MFHAS1: variants seen among roughly 807,000 people sequenced by gnomAD.
The protein encoded by MFHAS1 is malignant fibrous histiocytoma-amplified sequence 1.
MFHAS1 carries 50 observed loss-of-function variants against 70.4 expected under a neutral mutation model. That is an observed-to-expected ratio of 0.71 (90% CI 0.57 to 0.90). The LOEUF (loss-of-function observed/expected upper bound fraction) is 0.90, where lower values mean the gene tolerates loss of function less well. MFHAS1 is among the 40% of genes least tolerant of loss of function. The pLI is 0.00. For missense variants in MFHAS1, 1,795 were observed against 1,347.6 expected (o/e 1.33, Z -5.20); for synonymous variants, 952 against 620.0 (o/e 1.54, Z -7.96).
intron 1 of MFHAS1, among the ~76,000 whole-genome samples, chr8:8,855,855 C>G (rs1409017494): frequency 6.6e-6 from 1 of 151,524 alleles, no homozygotes. Flanking sequence ...GACGCCGTCT[C>G]AAAAAAGAAA....
At chr8:8,829,479 A>C (rs764935668) in intron 1 of MFHAS1, among the ~76,000 whole-genome samples, 6 of 152,188 alleles carry the variant, frequency 3.9e-5, no homozygotes, top group Non-Finnish European at 8.8e-5. Flanking sequence ...TCAGGAGTTC[A>C]AGACCAGCCT....
intron 1 of MFHAS1, among the ~76,000 whole-genome samples, chr8:8,855,897 T>G (rs1280741195): frequency 1.3e-5 from 2 of 152,182 alleles, no homozygotes; most frequent in African/African-American, 4.8e-5. Context: ...TGCCGTTATT[T>G]TCATCTGAAG....
Position 8,891,839 on chromosome 8 carries a change from T to C in MFHAS1, c.1220A>G (p.Gln407Arg). ...KELAHSQPAV[Q>R]PRLKLLLMGH... ...CATCAGGAGCAGCTTGAGCCGGGGC[T>C]GCACCGCCGGCTGGGAATGAGCCAG... Residue 407 changes from glutamine (Q) to arginine (R), a missense_variant, in exon 1 of 3, where the codon CAG becomes CGG. Transcript: ENST00000276282. This position sits in a 1 kb window ranked among gnomAD's most constrained non-coding sequence, Gnocchi z 5.4. The C allele has an allele frequency of 6.2e-7, 1 of 1,612,936 alleles. No individual in the cohort carries two copies. The highest frequency in any genetic ancestry group is 8.5e-7 in the Non-Finnish European group (1 of 1,179,836).
intron 1 of MFHAS1, among the ~76,000 whole-genome samples, chr8:8,812,912 G>A (rs370893022): frequency 7.9e-5 from 12 of 152,190 alleles, no homozygotes; most frequent in South Asian, 4.2e-4. Flanking sequence ...GGTTACAGGC[G>A]TGCACCACCA....
intron 1 of MFHAS1, among the ~76,000 whole-genome samples, chr8:8,876,837 G>A (rs901731289): frequency 2.0e-5 from 3 of 151,996 alleles, no homozygotes; most frequent in Non-Finnish European, 2.9e-5. Flanking sequence ...GGGAGGCTAA[G>A]GTAAGAGAAT....
chr8:8,797,290 G>C (rs1237491565), intron 2 of MFHAS1, 75 bp downstream of exon 2: 2 of 1,555,784 alleles, frequency 1.3e-6, no homozygotes, highest in African/African-American at 2.7e-5. Flanking sequence ...AGTTTAACCT[G>C]GATTTTTGTG....
Position 8,876,515 on chromosome 8 carries a change from G to A in MFHAS1, c.2998+13546C>T, listed in dbSNP as rs1217253554. Among the ~76,000 whole-genome samples the A allele has an allele frequency of 3.9e-5, 6 of 151,988 alleles. No individual in the cohort carries two copies. In the East Asian group the frequency reaches 1.2e-3, roughly 30 times the overall value. On this transcript the variant is annotated intron_variant, in intron 1 of 2. Transcript: ENST00000276282. The stretch of plus-strand genomic sequence containing the variant: ...TTTGGGAGGATGAGGCAGGCAGACT[G>A]CCTCAGGTCAGCAGTTCGAGACCAG...
At position 8,893,466 on chromosome 8, in the gene MFHAS1, G is replaced by C. The variant is rs1810183530; in HGVS notation, c.-408C>G. 1 of 145,994 alleles carries C rather than the reference G, an allele frequency of 6.8e-6. No individual in the cohort carries two copies. The highest frequency in any genetic ancestry group is 2.1e-4 in the South Asian group (1 of 4,822). 9.0% of individuals were successfully genotyped at this position (145,994 alleles called of 1,614,324 possible). ...GCGGCGTCGCCTCCTCGAGCTCCTG[G>C]GGGAGGGCGGCGCTCGGCCCGGCGG... On this transcript the variant is annotated 5_prime_UTR_variant, in exon 1 of 3. Transcript: ENST00000276282.
At chr8:8,815,059 C>T (rs1249856058) in intron 1 of MFHAS1, among the ~76,000 whole-genome samples, 1 of 152,054 alleles carries the variant, frequency 6.6e-6, no homozygotes, top group Non-Finnish European at 1.5e-5. Context: ...TTGTTTCCCT[C>T]CCTGTGTCCA....
In MFHAS1 at chr8:8,891,880, T is replaced by C; in HGVS notation, c.1179A>G (p.Ala393=). 1 of 1,611,586 alleles carries C rather than the reference T, an allele frequency of 6.2e-7. No homozygotes were observed. Among genetic ancestry groups the C allele is most frequent in the Non-Finnish European group, 8.5e-7 (1 of 1,178,890 alleles). The change falls in exon 1 of 3, where the codon GCA becomes GCG. Residue 393 remains alanine, a synonymous_variant. Transcript: ENST00000276282. This position sits in a 1 kb window ranked among gnomAD's most constrained non-coding sequence, Gnocchi z 5.4. ...AATGAGCCAGTTCCTTCTGGTAGGC[T>C]GCGATGTAGGGGATCCCCTTCATGC... ...EVCMKGIPYI[A]AYQKELAHSQ...
At chr8:8,819,195 A>G (rs1310525276) in intron 1 of MFHAS1, among the ~76,000 whole-genome samples, 3 of 152,224 alleles carry the variant, frequency 2.0e-5, no homozygotes, top group Admixed American at 6.5e-5. Flanking sequence ...CACTGTTTCT[A>G]TTCTACTACC....
At chr8:8,843,336 C>A (rs939451415) in intron 1 of MFHAS1, among the ~76,000 whole-genome samples, 1 of 151,524 alleles carries the variant, frequency 6.6e-6, no homozygotes, top group African/African-American at 2.4e-5. Context: ...GTAATCCCAA[C>A]ATTTCGGGAG....
intron 1 of MFHAS1, among the ~76,000 whole-genome samples, chr8:8,805,560 G>C (rs564542870): frequency 6.6e-6 from 1 of 152,286 alleles, no homozygotes; most frequent in Non-Finnish European, 1.5e-5. Context: ...GGAGGGGTTG[G>C]TCTGGTTGTC....
chr8:8,863,680 G>T (rs1261912299), intron 1 of MFHAS1, among the ~76,000 whole-genome samples: 3 of 152,026 alleles, frequency 2.0e-5, no homozygotes, highest in Non-Finnish European at 2.9e-5. Context: ...CTAACATACT[G>T]GTCCTTAACC....
intron 1 of MFHAS1, among the ~76,000 whole-genome samples, chr8:8,799,213 T>C (rs190129455): frequency 1.3e-5 from 2 of 152,316 alleles, no homozygotes; most frequent in African/African-American, 4.8e-5. Context: ...TAGATACCTA[T>C]GATAAAGTTT....
intron 1 of MFHAS1, among the ~76,000 whole-genome samples, chr8:8,865,844 A>G (rs559895532): frequency 6.6e-6 from 1 of 152,218 alleles, no homozygotes; most frequent in Admixed American, 6.5e-5. Flanking sequence ...GGTTGATGTA[A>G]AACAAGTGGT....
intron 1 of MFHAS1, among the ~76,000 whole-genome samples, chr8:8,844,943 C>T (rs550464766): frequency 1.3e-5 from 2 of 152,160 alleles, no homozygotes; most frequent in African/African-American, 4.8e-5. Context: ...ACAAAGCAAT[C>T]CTTGGATGAA....
rs755297024 is a variant in MFHAS1, at chr8:8,892,018, G to C, written c.1041C>G (p.Leu347=). The part of the protein sequence containing the change: ...SIVELTGLEE[L]VLQGNQIAVL... ...CCGCGATCTGGTTCCCCTGCAGCAC[G>C]AGCTCCTCCAGGCCGGTCAGCTCCA... is the stretch of plus-strand genomic sequence containing the variant. The change falls in exon 1 of 3, where the codon CTC becomes CTG. Residue 347 remains leucine (L), a synonymous_variant. Transcript: ENST00000276282. This position sits in a 1 kb window ranked among gnomAD's most constrained non-coding sequence, Gnocchi z 4.7. 4.3e-6 allele frequency: 7 copies of C among 1,613,440 alleles called. No homozygotes were observed. The highest frequency in any genetic ancestry group is 2.7e-5 in the African/African-American group (2 of 74,908).
chr8:8,871,986 C>G (rs953385433), intron 1 of MFHAS1, among the ~76,000 whole-genome samples: 3 of 152,130 alleles, frequency 2.0e-5, no homozygotes, highest in African/African-American at 7.2e-5. Context: ...GAAAATCTGC[C>G]CCATTCCAGA....
Sources: allele counts gnomAD v4.1 joint callset (sites outside exome capture counted in the v4.1 genomes callset), GRCh38; gene constraint gnomAD v4.1.1; non-coding constraint Gnocchi (gnomAD v3.1); transcripts MANE v1.5; gene names NCBI Gene and HGNC (gene_info 2026-07-23, HGNC 2026-07-21).